The following GOLGA3 variants were observed in gnomAD, a reference collection of about 807,000 sequenced individuals.
GOLGA3 encodes golgin A3, also known as golgin subfamily A member 3.
A neutral mutation model predicts 169.4 loss-of-function variants in GOLGA3; 75 were observed. The ratio of observed to expected loss-of-function variants is 0.44; its 90% CI spans 0.37 to 0.54. GOLGA3 has a LOEUF of 0.54. Among genes scored for constraint, GOLGA3 ranks in the 20% least tolerant of loss-of-function variants. The pLI is 0.00. For synonymous variants in GOLGA3, 824 were observed against 822.4 expected, an observed-to-expected ratio of 1.00 and a Z score of -0.03; for missense variants, 1,899 against 1,930.0, an observed-to-expected ratio of 0.98 and a Z score of 0.30.
At chr12:132,778,939 C>T (rs1002685817) in intron 18 of GOLGA3, among the ~76,000 whole-genome samples, 1 of 152,004 alleles carries the variant, frequency 6.6e-6, no homozygotes, top group Non-Finnish European at 1.5e-5. Context: ...AAGCACGGAG[C>T]GAAAGCTGGA....
In GOLGA3 at chr12:132,776,828, T is replaced by G. The variant is rs193115928; in HGVS notation, c.3856-72A>C. 34 of 1,579,526 alleles carry G rather than the reference T, an allele frequency of 2.2e-5. No individual in the cohort carries two copies. The East Asian group carries it at 7.4e-4, about 34-fold the overall frequency. On this transcript the variant is annotated intron_variant, in intron 20 of 23. Coordinates refer to ENST00000450791, the MANE Select transcript of GOLGA3 (RefSeq NM_001389683.1). Reference sequence around the variant, plus strand: ...TACTGCCCTGGAAAATGGCTCTAGCTGTGTTTTGGTTTATCTTTTAATACC... The same window carrying G: ...TACTGCCCTGGAAAATGGCTCTAGCGGTGTTTTGGTTTATCTTTTAATACC...
chr12:132,823,787 TAA>T (rs55689193), intron 1 of GOLGA3, among the ~76,000 whole-genome samples: 3 of 129,878 alleles, frequency 2.3e-5, no homozygotes, highest in Admixed American at 8.0e-5. Flanking sequence ...AAACTCCGTC[TAA>T]AAAAAAAAAA....
At chr12:132,774,681 T>G in intron 22 of GOLGA3, 1 of 397,948 alleles carries the variant, frequency 2.5e-6, no homozygotes, top group Non-Finnish European at 4.5e-6. Context: ...TTTTCCAGCT[T>G]AGGCTCCCTT....
Position 132,776,633 on chromosome 12 carries a change from C to T in GOLGA3, c.3978+1G>A. On this transcript the variant is annotated splice_donor_variant, in intron 21 of 23. Transcript: ENST00000450791. LOFTEE classifies it high-confidence loss of function. ...GTGCCCAGCGCCTCACACACAGGTA[C>T]CTGCAGCAGCTGCTGTAGCCCTTCC... The T allele has an allele frequency of 6.2e-7, 1 of 1,607,538 alleles. No individual in the cohort carries two copies. Among genetic ancestry groups the T allele is most frequent in the Non-Finnish European group, 8.5e-7 (1 of 1,177,174 alleles).
At position 132,769,140 on chromosome 12, in the gene GOLGA3, GAT is replaced by G. The variant is rs2044783177; in HGVS notation, c.*3963_*3964del. The G allele has an allele frequency of 6.6e-6, 1 of 152,162 alleles. No homozygotes were observed. The highest frequency in any genetic ancestry group is 2.4e-5 in the African/African-American group (1 of 41,426). 9.4% of individuals were successfully genotyped at this position (152,162 alleles called of 1,614,324 possible). A position where few individuals can be genotyped will look rare whatever the true frequency, so the allele number is the denominator to read the frequency against. ...AGACCCTCTAACACATTTCCCTCCG[GAT>G]CCTGTGAGAGCCTGAGATCACTTAT... On this transcript the variant is annotated 3_prime_UTR_variant, in exon 24 of 24. Coordinates refer to ENST00000450791, the MANE Select transcript of GOLGA3 (RefSeq NM_001389683.1).
At chr12:132,800,975 CA>C (rs776320860) in intron 8 of GOLGA3, among the ~76,000 whole-genome samples, 1 of 152,132 alleles carries the variant, frequency 6.6e-6, no homozygotes, top group Non-Finnish European at 1.5e-5. Flanking sequence ...AAACCAAAAA[CA>C]AAAAGACTGA....
chr12:132,769,974 C>G lies in GOLGA3; in HGVS notation c.*3131G>C, dbSNP rs1425468257. On this transcript the variant is annotated 3_prime_UTR_variant, in exon 24 of 24. Transcript: ENST00000450791. ...CTGCAGCCGGGGGCGGTGGTTCACG[C>G]CTATAATTCCAGCACTTTGGGAGGC... The G allele has an allele frequency of 2.0e-5, 3 of 152,156 alleles. No individual in the cohort carries two copies. The highest frequency in any genetic ancestry group is 7.2e-5 in the African/African-American group (3 of 41,422). The allele number at this position is 152,156 out of a possible 1,614,324, so 9.4% of individuals were successfully genotyped here. A position where few individuals can be genotyped will look rare whatever the true frequency, so the allele number is the denominator to read the frequency against.
chr12:132,805,228 C>A (rs1949336932), intron 6 of GOLGA3, among the ~76,000 whole-genome samples: 3 of 125,388 alleles, frequency 2.4e-5, no homozygotes, highest in South Asian at 6.1e-4. Context: ...CCCCCAGGCG[C>A]TCTCCCAAGG....
chr12:132,776,895 A>G lies in GOLGA3; in HGVS notation c.3855+63T>C, dbSNP rs529296402. ...CACTGTTGCTCCCCAAGCAGGATGGAGTGAAGTCACCCAGGGCACCCGTGA... is the reference window on the plus strand; with the variant it reads ...CACTGTTGCTCCCCAAGCAGGATGGGGTGAAGTCACCCAGGGCACCCGTGA... On this transcript the variant is annotated intron_variant, in intron 20 of 23. Coordinates refer to ENST00000450791, the MANE Select transcript of GOLGA3 (RefSeq NM_001389683.1). 6.5e-6 allele frequency: 10 copies of G among 1,546,354 alleles called. No individual in the cohort carries two copies. The South Asian group carries it at 1.3e-4, about 19-fold the overall frequency.
At position 132,822,179 on chromosome 12, in the gene GOLGA3, T is replaced by C. The variant is rs749544870; in HGVS notation, c.-51A>G. The stretch of plus-strand genomic sequence containing the variant: ...ACGCTGAGGGGCTACAAGTGAACCT[T>C]GGACAAGCTTGGCTTCTGCCATCAG... On this transcript the variant is annotated 5_prime_UTR_variant, in exon 2 of 24. Transcript: ENST00000450791. 2.6e-6 allele frequency: 4 copies of C among 1,560,020 alleles called. No individual in the cohort carries two copies. The African/African-American group carries it at 4.2e-5, about 16-fold the overall frequency.
intron 1 of GOLGA3, among the ~76,000 whole-genome samples, chr12:132,824,618 T>C (rs1449922452): frequency 5.3e-5 from 8 of 152,182 alleles, no homozygotes; most frequent in Non-Finnish European, 1.2e-4. Context: ...AGCACAGAAG[T>C]GAAGGAAGTT....
Position 132,808,530 on chromosome 12 carries a change from T to C in GOLGA3, c.539A>G (p.Lys180Arg), listed in dbSNP as rs766481023. 6.3e-6 allele frequency: 10 copies of C among 1,592,188 alleles called. No individual in the cohort carries two copies. In the East Asian group the frequency reaches 1.1e-4, roughly 18 times the overall value. The change falls in exon 5 of 24, where the codon AAA (lysine) becomes AGA (arginine). Residue 180 changes from lysine to arginine, a missense_variant. Transcript: ENST00000450791. Reference protein sequence around the residue: ...QQERSSQPATKTRLFSTLDPE... With the variant: ...QQERSSQPATRTRLFSTLDPE... ...ATCAAGCGTGCTAAAAAGTCTCGTT[T>C]TGGTTGCAGGTTGACTGGACTGAGA...
chr12:132,776,968 C>T lies in GOLGA3; in HGVS notation c.3845G>A (p.Gly1282Glu). ...CCCGTGAACCGTCACCTCTTGGTTT[C>T]CCACGGGCTGTTTGCTGAGCTGCTC... is the stretch of plus-strand genomic sequence containing the variant. The part of the protein sequence containing the change: ...LDEQLSKQPV[G>E]NQEMENLKWE... The change falls in exon 20 of 24, where the codon GGA becomes GAA. Residue 1282 changes from glycine (G) to glutamate (E), a missense_variant. Physicochemically the swap from Gly to Glu is moderately conservative, Grantham distance 98 (BLOSUM62 -2). Coordinates refer to ENST00000450791, the MANE Select transcript of GOLGA3 (RefSeq NM_001389683.1). The T allele has an allele frequency of 6.3e-7, 1 of 1,596,012 alleles. No homozygotes were observed. Among genetic ancestry groups the T allele is most frequent in the Non-Finnish European group, 8.5e-7 (1 of 1,171,438 alleles).
chr12:132,781,212 AGTGCCCTCCACCG>A (rs1253907851), intron 17 of GOLGA3, among the ~76,000 whole-genome samples: 15 of 71,402 alleles, frequency 2.1e-4, no homozygotes, highest in African/African-American at 5.7e-4. Context: ...GTACCACCGC[AGTGCCCTCCACCG>A]CACTGCCCTC....
chr12:132,785,318 T>C (rs1240986189), intron 15 of GOLGA3, among the ~76,000 whole-genome samples: 2 of 152,154 alleles, frequency 1.3e-5, no homozygotes, highest in African/African-American at 4.8e-5. Context: ...GATTTATTTA[T>C]TGAATTTCAG....
rs1233743037 is a variant in GOLGA3, at chr12:132,808,548, G to T, written c.521C>A (p.Ser174Tyr). The change falls in exon 5 of 24, where the codon TCC becomes TAC. Residue 174 changes from serine to tyrosine, a missense_variant and splice_region_variant. By Grantham distance (144) the Ser-to-Tyr change is moderately radical. Transcript: ENST00000450791. The stretch of plus-strand genomic sequence containing the variant: ...TCTCGTTTTGGTTGCAGGTTGACTG[G>T]ACTGAGAAGAAAACAAAAGTACAAA... ...QYRVKRQQERSSQPATKTRLF... is the reference protein window; with the variant it reads ...QYRVKRQQERYSQPATKTRLF... 2 of 1,568,896 alleles carry T rather than the reference G, an allele frequency of 1.3e-6. No individual in the cohort carries two copies. The highest frequency in any genetic ancestry group is 2.8e-5 in the African/African-American group (2 of 72,530).
At chr12:132,810,587 GAC>G (rs56341102) in intron 4 of GOLGA3, among the ~76,000 whole-genome samples, 17,792 of 152,170 alleles carry the variant, frequency 0.12, 1,352 homozygotes, top group South Asian at 0.17. Context: ...GAGCTGAGGG[GAC>G]ACAGTGAGAA....
intron 9 of GOLGA3, among the ~76,000 whole-genome samples, chr12:132,797,372 C>T (rs1948898550): frequency 6.6e-6 from 1 of 152,108 alleles, no homozygotes; most frequent in South Asian, 2.1e-4. Flanking sequence ...GGTTTTACAC[C>T]ATTTCTTCTT....
intron 2 of GOLGA3, among the ~76,000 whole-genome samples, chr12:132,820,095 G>A (rs1950147280): frequency 1.3e-5 from 2 of 152,016 alleles, no homozygotes; most frequent in African/African-American, 4.8e-5. Context: ...AAGATCGCTT[G>A]AACCCGGGAG....
Sources: gnomAD v4.1 joint callset for allele counts (sites outside exome capture counted in the v4.1 genomes callset) on GRCh38, gnomAD v4.1.1 for gene constraint, MANE v1.5 for transcripts, NCBI Gene and HGNC (gene_info 2026-07-23, HGNC 2026-07-21) for gene names.